The following CYP2J2 variants were observed in gnomAD, a reference collection of about 807,000 sequenced individuals.
CYP2J2 encodes cytochrome P450 2J2.
In CYP2J2, 41 loss-of-function variants were observed where a neutral mutation model predicts 48.8. The observed-to-expected ratio is 0.84, with a 90% CI of 0.66 to 1.09. CYP2J2 has a LOEUF of 1.09. CYP2J2 is among the 50% of genes least tolerant of loss of function. The probability of loss-of-function intolerance (pLI) is 0.00; values close to 1 mark genes in which losing one functional copy is unlikely to be tolerated. For synonymous variants in CYP2J2, 221 were observed against 227.1 expected, an observed-to-expected ratio of 0.97 and a Z score of 0.24; for missense variants, 644 against 617.3, an observed-to-expected ratio of 1.04 and a Z score of -0.46.
the CYP2J2 span, among the ~76,000 whole-genome samples, chr1:59,940,791 G>A: frequency 6.6e-6 from 1 of 152,118 alleles, no homozygotes; most frequent in Non-Finnish European, 1.5e-5. Context: ...TATACACAAT[G>A]GAAAACTATT....
chr1:59,904,676 A>C (rs1031399993), intron 7 of CYP2J2, among the ~76,000 whole-genome samples, 195 bp downstream of exon 7: 4 of 152,174 alleles, frequency 2.6e-5, no homozygotes, highest in Non-Finnish European at 5.9e-5. Flanking sequence ...TAACGTAGGA[A>C]TCCTTCCTGC....
chr1:59,954,050 A>G, the CYP2J2 span, among the ~76,000 whole-genome samples: 3 of 152,174 alleles, frequency 2.0e-5, no homozygotes, highest in Admixed American at 2.0e-4. Flanking sequence ...GAGAAGTAAC[A>G]TATGTCATGC....
upstream of CYP2J2, among the ~76,000 whole-genome samples, chr1:59,927,323 T>C (rs1011717231): frequency 6.6e-6 from 1 of 152,218 alleles, no homozygotes; most frequent in African/African-American, 2.4e-5. Context: ...CTGCTAGCAC[T>C]GAGCAGCAGC....
chr1:59,913,402 T>C (rs572304823), intron 2 of CYP2J2, among the ~76,000 whole-genome samples: 3 of 152,290 alleles, frequency 2.0e-5, no homozygotes, highest in South Asian at 2.1e-4. Flanking sequence ...GAAGCATATA[T>C]ACAACGCTGC....
chr1:59,942,083 G>A, the CYP2J2 span, among the ~76,000 whole-genome samples: 1 of 151,864 alleles, frequency 6.6e-6, no homozygotes, highest in Non-Finnish European at 1.5e-5. Context: ...TTTATTTTTT[G>A]TATTTTGTAC....
At chr1:59,943,554 T>C in the CYP2J2 span, among the ~76,000 whole-genome samples, 2 of 152,298 alleles carry the variant, frequency 1.3e-5, no homozygotes, top group African/African-American at 2.4e-5. Context: ...TGGTCTGTAG[T>C]TGAAGTTTAG....
At chr1:59,912,110 C>T in intron 3 of CYP2J2, 52 bp downstream of exon 3, 1 of 1,555,060 alleles carries the variant, frequency 6.4e-7, no homozygotes, top group Non-Finnish European at 8.7e-7. Flanking sequence ...AAGTATCTGT[C>T]CAATGAACAA....
the CYP2J2 span, among the ~76,000 whole-genome samples, chr1:59,968,149 T>C: frequency 1.3e-5 from 2 of 152,212 alleles, no homozygotes; most frequent in South Asian, 2.1e-4. Flanking sequence ...AACCATTCTA[T>C]AGCTCTCATG....
At chr1:59,966,708 C>T in the CYP2J2 span, among the ~76,000 whole-genome samples, 9 of 152,178 alleles carry the variant, frequency 5.9e-5, no homozygotes, top group Admixed American at 2.6e-4. Flanking sequence ...TTAGTAGCAA[C>T]ACCTTTGCCA....
chr1:59,953,506 A>ATGTG, the CYP2J2 span, among the ~76,000 whole-genome samples: 198 of 150,450 alleles, frequency 1.3e-3, 2 homozygotes, highest in African/African-American at 4.5e-3. Context: ...CAGTGTGTAT[A>ATGTG]TGTGTGTGTG....
At chr1:59,961,682 G>C in the CYP2J2 span, among the ~76,000 whole-genome samples, 20 of 152,074 alleles carry the variant, frequency 1.3e-4, no homozygotes, top group African/African-American at 4.6e-4. Flanking sequence ...GCTCATAGAG[G>C]CATTATTCAG....
At chr1:59,933,223 A>G in the CYP2J2 span, among the ~76,000 whole-genome samples, 1 of 152,220 alleles carries the variant, frequency 6.6e-6, no homozygotes, top group Non-Finnish European at 1.5e-5. Context: ...AGTTTAATAA[A>G]AGAAATACAA....
intron 4 of CYP2J2, 45 bp downstream of exon 4, chr1:59,911,562 CG>C (rs752748353): frequency 2.2e-6 from 3 of 1,377,364 alleles, no homozygotes; most frequent in South Asian, 3.6e-5. Context: ...TGGCTGACAT[CG>C]GCCCCAATTT....
the CYP2J2 span, among the ~76,000 whole-genome samples, chr1:59,949,361 T>C: frequency 6.6e-6 from 1 of 152,194 alleles, no homozygotes; most frequent in East Asian, 1.9e-4. Context: ...ACTCCTAGAA[T>C]TGACTGCTTC....
rs746763403 is a variant in CYP2J2 at position 59,904,932 on chromosome 1, G to A, written c.1130C>T (p.Pro377Leu). 2 of 1,613,902 alleles carry A rather than the reference G, an allele frequency of 1.2e-6. No individual in the cohort carries two copies. Among genetic ancestry groups the A allele is most frequent in the Non-Finnish European group, 1.7e-6 (2 of 1,179,938 alleles). Reference protein sequence around the residue: ...HEVQRMGNIIPLNVPREVTVD... With the variant: ...HEVQRMGNIILLNVPREVTVD... ...TGTCACTTCCCTGGGAACGTTCAGG[G>A]GGATGATGTTGCCCATTCTCTGCAC... The change falls in exon 7 of 9, where the codon CCC (proline) becomes CTC (leucine). Residue 377 changes from proline (P) to leucine (L), a missense_variant. Pro to Leu is a moderately conservative substitution (Grantham distance 98). Transcript: ENST00000371204.
intron 1 of CYP2J2, among the ~76,000 whole-genome samples, chr1:59,916,320 T>A (rs1167134851): frequency 6.6e-6 from 1 of 152,158 alleles, no homozygotes; most frequent in Non-Finnish European, 1.5e-5. Flanking sequence ...CAGATTCAAT[T>A]CACTTCAGAA....
intron 2 of CYP2J2, chr1:59,912,837 A>G (rs1432965145): frequency 6.5e-6 from 1 of 152,930 alleles, no homozygotes. Context: ...TTTATAGGAG[A>G]GGTCCTATCT....
rs1574263595 is a variant in CYP2J2 at position 59,925,090 on chromosome 1, A to G, written c.210+1447T>C. Among the ~76,000 whole-genome samples, 5 of 152,300 alleles carry G rather than the reference A, an allele frequency of 3.3e-5. No homozygotes were observed. The South Asian group carries it at 1.0e-3, about 32-fold the overall frequency. On this transcript the variant is annotated intron_variant, in intron 1 of 8. Transcript: ENST00000371204. ...ACAGGATAAAAGGATCAATTCACTAAGAAGACATGATAATCTTAAATGTGT... is the reference window on the plus strand; with the variant it reads ...ACAGGATAAAAGGATCAATTCACTAGGAAGACATGATAATCTTAAATGTGT...
the CYP2J2 span, among the ~76,000 whole-genome samples, chr1:59,948,385 A>G: frequency 6.6e-6 from 1 of 152,216 alleles, no homozygotes; most frequent in South Asian, 2.1e-4. Flanking sequence ...GAGTATGCAC[A>G]TCTATTAGTA....
Sources: gnomAD v4.1 joint callset for allele counts (sites outside exome capture counted in the v4.1 genomes callset) on GRCh38, gnomAD v4.1.1 for gene constraint, MANE v1.5 for transcripts, NCBI Gene and HGNC (gene_info 2026-07-23, HGNC 2026-07-21) for gene names.